Variants in SUCLG2 observed in about 807,000 individuals in gnomAD.
SUCLG2 encodes succinate-CoA ligase GDP-forming subunit beta.
SUCLG2 carries 42 observed loss-of-function variants against 47.9 expected under a neutral mutation model. That is an observed-to-expected ratio of 0.88 (90% CI 0.69 to 1.14). The LOEUF (loss-of-function observed/expected upper bound fraction) is 1.14. Ranked by LOEUF, SUCLG2 falls within the 50% of genes most tolerant of loss-of-function variation. SUCLG2 has a pLI of 0.00. For missense variants in SUCLG2, 571 were observed against 525.9 expected (o/e 1.09, Z -0.84); for synonymous variants, 195 against 197.3 (o/e 0.99, Z 0.10).
At chr3:67,624,184 G>C (rs1357183545) in intron 1 of SUCLG2, among the ~76,000 whole-genome samples, 1 of 152,202 alleles carries the variant, frequency 6.6e-6, no homozygotes, top group Non-Finnish European at 1.5e-5. Flanking sequence ...CTTCTTTATA[G>C]CGGCAGTTTT....
intron 9 of SUCLG2, among the ~76,000 whole-genome samples, chr3:67,477,068 C>T (rs1436702776): frequency 3.3e-5 from 5 of 152,046 alleles, no homozygotes; most frequent in Non-Finnish European, 7.4e-5. Flanking sequence ...GTAAATTCTG[C>T]TTGTATCTAT....
chr3:67,425,578 C>T (rs1703278695), intron 9 of SUCLG2, among the ~76,000 whole-genome samples: 1 of 152,166 alleles, frequency 6.6e-6, no homozygotes, highest in African/African-American at 2.4e-5. Flanking sequence ...TTAGCTGGGG[C>T]ATCTTCCTTC....
At chr3:67,457,235 G>T (rs1357042617) in intron 9 of SUCLG2, among the ~76,000 whole-genome samples, 3 of 152,156 alleles carry the variant, frequency 2.0e-5, no homozygotes, top group Admixed American at 6.5e-5. Flanking sequence ...TGGTTCTCCA[G>T]ATCTTCAGCA....
At chr3:67,391,511 G>A (rs894424681) in intron 10 of SUCLG2, among the ~76,000 whole-genome samples, 1 of 152,112 alleles carries the variant, frequency 6.6e-6, no homozygotes, top group African/African-American at 2.4e-5. Context: ...ATGCTTCGTG[G>A]CTATTCATTC....
chr3:67,570,417 T>C (rs1207997225), intron 2 of SUCLG2, among the ~76,000 whole-genome samples: 4 of 152,196 alleles, frequency 2.6e-5, no homozygotes, highest in Non-Finnish European at 5.9e-5. Context: ...CAAAGGGTGG[T>C]CTGGCTTTTG....
At chr3:67,506,868 A>G (rs1705651418) in intron 7 of SUCLG2, among the ~76,000 whole-genome samples, 1 of 152,232 alleles carries the variant, frequency 6.6e-6, no homozygotes, top group South Asian at 2.1e-4. Context: ...ACGTGAAAGC[A>G]AATAAGTAGT....
At position 67,376,208 on chromosome 3, in the gene SUCLG2, G is replaced by A. The variant is rs561845189; in HGVS notation, c.1184-349C>T. 5.1e-6 allele frequency: 5 copies of A among 985,426 alleles called. No individual in the cohort carries two copies. The East Asian group carries it at 5.7e-4, about 112-fold the overall frequency. 61.0% of individuals were successfully genotyped at this position (985,426 alleles called of 1,614,324 possible). Reference sequence around the variant, plus strand: ...AAAGCCCTCTCAGACGTCATCAGGGGTTTGGGCTGTGACCTGATTTGAGAA... The same window carrying A: ...AAAGCCCTCTCAGACGTCATCAGGGATTTGGGCTGTGACCTGATTTGAGAA... On this transcript the variant is annotated intron_variant, in intron 10 of 10. Coordinates refer to ENST00000307227, the MANE Select transcript of SUCLG2 (RefSeq NM_003848.4).
At chr3:67,458,739 A>G (rs1180167084) in intron 9 of SUCLG2, among the ~76,000 whole-genome samples, 2 of 152,228 alleles carry the variant, frequency 1.3e-5, no homozygotes, top group African/African-American at 4.8e-5. Context: ...CCACCCCACC[A>G]GTCAGGAAGA....
At chr3:67,584,898 A>G (rs1575796504) in intron 2 of SUCLG2, among the ~76,000 whole-genome samples, 3 of 152,168 alleles carry the variant, frequency 2.0e-5, no homozygotes, top group Admixed American at 2.0e-4. Flanking sequence ...AACTGCCCCC[A>G]TGATTAAATT....
At chr3:67,475,720 T>C (rs59820958) in intron 9 of SUCLG2, among the ~76,000 whole-genome samples, 8,807 of 134,248 alleles carry the variant, frequency 0.066, 294 homozygotes, top group East Asian at 0.16. Context: ...CTTCCCCTCC[T>C]TTTTTTTTTT....
chr3:67,379,120 T>C (rs1360236624), intron 10 of SUCLG2, among the ~76,000 whole-genome samples: 1 of 152,152 alleles, frequency 6.6e-6, no homozygotes, highest in Non-Finnish European at 1.5e-5. Context: ...CCAATTTTTG[T>C]ATTTTTAGTA....
intron 9 of SUCLG2, among the ~76,000 whole-genome samples, chr3:67,429,272 C>T (rs1703395531): frequency 6.6e-6 from 1 of 152,306 alleles, no homozygotes; most frequent in Middle Eastern, 3.4e-3. Context: ...ACTCTACAAG[C>T]CAGAAGATAG....
chr3:67,372,192 A>G (rs1701964693), downstream of SUCLG2, among the ~76,000 whole-genome samples: 1 of 152,210 alleles, frequency 6.6e-6, no homozygotes, highest in African/African-American at 2.4e-5. Context: ...GATATTTACC[A>G]TTGCTGTCAT....
chr3:67,581,170 A>G (rs1179798283), intron 2 of SUCLG2, among the ~76,000 whole-genome samples: 2 of 152,352 alleles, frequency 1.3e-5, no homozygotes, highest in African/African-American at 4.8e-5. Flanking sequence ...GTTACTGCGC[A>G]TGTCACCAAC....
chr3:67,513,403 G>A lies in SUCLG2; in HGVS notation c.661-4500C>T, dbSNP rs549903419. Among the ~76,000 whole-genome samples the A allele has an allele frequency of 1.8e-4, 28 of 152,294 alleles. No homozygotes were observed. The South Asian group carries it at 5.4e-3, about 29-fold the overall frequency. On this transcript the variant is annotated intron_variant, in intron 6 of 10. Transcript: ENST00000307227. ...TTTTAATTTTTACTGTTGCACAAAG[G>A]CAGACCATAATTTTTTTGAGCAAGA...
chr3:67,369,967 T>C (rs1406183569), downstream of SUCLG2, among the ~76,000 whole-genome samples: 1 of 152,216 alleles, frequency 6.6e-6, no homozygotes, highest in Admixed American at 6.5e-5. Context: ...TCTACTTTCT[T>C]ATATTTTTGT....
chr3:67,495,820 T>A lies in SUCLG2; in HGVS notation c.1040A>T (p.Lys347Ile). ...TACCTTAGGATCAGCTGTGAGCAAT[T>A]TGAATGCTTGATATACTTGAGCTTC... ...VKEAQVYQAFKLLTADPKVEA... is the reference protein window; with the variant it reads ...VKEAQVYQAFILLTADPKVEA... The change falls in exon 9 of 11, where the codon AAA (lysine) becomes ATA (isoleucine). Residue 347 changes from lysine (K) to isoleucine (I), a missense_variant. Lys to Ile is a moderately radical substitution (Grantham distance 102, BLOSUM62 -3). Coordinates refer to ENST00000307227, the MANE Select transcript of SUCLG2 (RefSeq NM_003848.4). 1 of 1,613,928 alleles carries A rather than the reference T, an allele frequency of 6.2e-7. No individual in the cohort carries two copies. The highest frequency in any genetic ancestry group is 8.5e-7 in the Non-Finnish European group (1 of 1,179,976).
intron 9 of SUCLG2, among the ~76,000 whole-genome samples, chr3:67,449,765 C>T (rs1031925596): frequency 2.0e-5 from 3 of 152,002 alleles, no homozygotes; most frequent in Non-Finnish European, 4.4e-5. Flanking sequence ...AGGTGTGTGC[C>T]ACCATGCCCA....
At chr3:67,396,203 A>G (rs1291600881) in intron 10 of SUCLG2, among the ~76,000 whole-genome samples, 1 of 152,178 alleles carries the variant, frequency 6.6e-6, no homozygotes, top group Non-Finnish European at 1.5e-5. Context: ...GAGACACAAA[A>G]AACCCTTCAA....
Sources: gnomAD v4.1 joint callset for allele counts (sites outside exome capture counted in the v4.1 genomes callset) on GRCh38, gnomAD v4.1.1 for gene constraint, MANE v1.5 for transcripts, NCBI Gene and HGNC (gene_info 2026-07-23, HGNC 2026-07-21) for gene names.